The following PHACTR3 variants were observed in gnomAD, a reference collection of about 807,000 sequenced individuals.
The protein encoded by PHACTR3 is phosphatase and actin regulator 3.
In PHACTR3, 16 loss-of-function variants were observed where a neutral mutation model predicts 66.8. The ratio of observed to expected loss-of-function variants is 0.24; its 90% CI spans 0.16 to 0.36. The LOEUF (loss-of-function observed/expected upper bound fraction) is 0.36. Ranked by LOEUF, PHACTR3 falls within the 10% of genes least tolerant of loss-of-function variation. PHACTR3 has a pLI of 1.00. For synonymous variants in PHACTR3, 323 were observed against 292.1 expected (o/e 1.11, Z -1.08); for missense variants, 647 against 719.9 (o/e 0.90, Z 1.16).
At chr20:59,726,655 T>C (rs1022825536) in intron 1 of PHACTR3, among the ~76,000 whole-genome samples, 1 of 152,200 alleles carries the variant, frequency 6.6e-6, no homozygotes, top group Non-Finnish European at 1.5e-5. Flanking sequence ...ATTTACCATT[T>C]CAACCCTTTT....
At chr20:59,640,341 A>C (rs1398143838) in intron 1 of PHACTR3, among the ~76,000 whole-genome samples, 1 of 152,224 alleles carries the variant, frequency 6.6e-6, no homozygotes, top group African/African-American at 2.4e-5. Context: ...GAAGGGTTGG[A>C]GGACAAGGTG....
exon 1 of PHACTR3, chr20:59,577,553 G>A (rs2032747306): frequency 1.7e-6 from 2 of 1,191,598 alleles, no homozygotes; most frequent in Non-Finnish European, 2.1e-6. Flanking sequence ...CTGCGCCCCT[G>A]CGCTCGCTGC....
intron 1 of PHACTR3, among the ~76,000 whole-genome samples, chr20:59,607,939 G>A (rs1344337131): frequency 2.0e-5 from 3 of 152,210 alleles, no homozygotes; most frequent in African/African-American, 4.8e-5. Context: ...GTACTCACCT[G>A]AGAATTTCCT....
chr20:59,620,427 C>T (rs4812117), intron 1 of PHACTR3, among the ~76,000 whole-genome samples: 6,293 of 152,280 alleles, frequency 0.041, 148 homozygotes, highest in Middle Eastern at 0.075. Flanking sequence ...CCACGTGGCA[C>T]GCGGCCAGCA....
intron 1 of PHACTR3, among the ~76,000 whole-genome samples, chr20:59,688,929 G>A (rs751932300): frequency 2.0e-5 from 3 of 152,118 alleles, no homozygotes; most frequent in Non-Finnish European, 4.4e-5. Context: ...TGGTTGTTGG[G>A]AACGCTAATT....
chr20:59,622,158 T>G (rs1375361831), intron 1 of PHACTR3, among the ~76,000 whole-genome samples: 3 of 152,030 alleles, frequency 2.0e-5, no homozygotes, highest in Admixed American at 1.3e-4. Flanking sequence ...TTTTTTTTTT[T>G]TGTGACATAA....
At chr20:59,581,327 C>G (rs1180856174) in intron 1 of PHACTR3, among the ~76,000 whole-genome samples, 1 of 152,254 alleles carries the variant, frequency 6.6e-6, no homozygotes, top group Non-Finnish European at 1.5e-5. Flanking sequence ...CCTGGCTACA[C>G]ATCTTCGTTT....
intron 1 of PHACTR3, among the ~76,000 whole-genome samples, chr20:59,691,338 ATG>A (rs1484897335): frequency 6.6e-6 from 1 of 152,238 alleles, no homozygotes; most frequent in Non-Finnish European, 1.5e-5. Context: ...TTGATATAAA[ATG>A]TGAGGGACAG....
At chr20:59,726,162 T>G (rs1276721688) in intron 1 of PHACTR3, among the ~76,000 whole-genome samples, 1 of 152,196 alleles carries the variant, frequency 6.6e-6, no homozygotes, top group African/African-American at 2.4e-5. Flanking sequence ...ATTTTTAATT[T>G]AGGGTAATTT....
At chr20:59,704,212 G>A (rs1355930797) in intron 1 of PHACTR3, among the ~76,000 whole-genome samples, 2 of 152,090 alleles carry the variant, frequency 1.3e-5, no homozygotes, top group African/African-American at 2.4e-5. Flanking sequence ...GGCTTTAAGG[G>A]TTCTCTTGTA....
upstream of PHACTR3, among the ~76,000 whole-genome samples, chr20:59,600,426 G>T (rs1442398764): frequency 6.6e-6 from 1 of 152,178 alleles, no homozygotes; most frequent in Non-Finnish European, 1.5e-5. Flanking sequence ...AGGAAATATT[G>T]GATGGTTGGA....
At chr20:59,701,057 G>T (rs1315245041) in intron 1 of PHACTR3, among the ~76,000 whole-genome samples, 1 of 152,180 alleles carries the variant, frequency 6.6e-6, no homozygotes, top group Non-Finnish European at 1.5e-5. Flanking sequence ...CTCCCAAAAT[G>T]CTGTAATTAC....
intron 7 of PHACTR3, among the ~76,000 whole-genome samples, chr20:59,789,272 A>G (rs1199209504): frequency 6.6e-6 from 1 of 151,972 alleles, no homozygotes; most frequent in Non-Finnish European, 1.5e-5. Context: ...TGGGCTACTG[A>G]AACAGCTGGA....
At chr20:59,818,568 A>T (rs1315691660) in intron 8 of PHACTR3, among the ~76,000 whole-genome samples, 1 of 152,194 alleles carries the variant, frequency 6.6e-6, no homozygotes, top group Non-Finnish European at 1.5e-5. Flanking sequence ...CCTCACTCCA[A>T]AAAGAAGCCT....
chr20:59,760,086 A>G (rs1032888288), intron 4 of PHACTR3, among the ~76,000 whole-genome samples: 2 of 152,226 alleles, frequency 1.3e-5, no homozygotes, highest in East Asian at 3.9e-4. Context: ...AGGGGTCATC[A>G]AAAAGCACAA....
intron 8 of PHACTR3, among the ~76,000 whole-genome samples, chr20:59,809,567 C>T (rs1182698456): frequency 1.3e-5 from 2 of 152,102 alleles, no homozygotes; most frequent in Non-Finnish European, 2.9e-5. Flanking sequence ...TAATCCTTCC[C>T]CATTTTGAGT....
chr20:59,658,588 A>G (rs2035702488), intron 1 of PHACTR3, among the ~76,000 whole-genome samples: 1 of 152,104 alleles, frequency 6.6e-6, no homozygotes, highest in African/African-American at 2.4e-5. Flanking sequence ...AGTCACCTTG[A>G]GATGATAGTA....
At chr20:59,715,149 T>C (rs998809455) in intron 1 of PHACTR3, among the ~76,000 whole-genome samples, 1 of 152,222 alleles carries the variant, frequency 6.6e-6, no homozygotes, top group Non-Finnish European at 1.5e-5. Context: ...TTCCTTGTTG[T>C]TCTGGTTAAA....
At chr20:59,667,383 T>A (rs960900872) in intron 1 of PHACTR3, among the ~76,000 whole-genome samples, 2 of 152,232 alleles carry the variant, frequency 1.3e-5, no homozygotes, top group African/African-American at 4.8e-5. Flanking sequence ...TCCAGTGTAC[T>A]CTGCCTCCCA....
Sources: gnomAD v4.1 joint callset for allele counts (sites outside exome capture counted in the v4.1 genomes callset) on GRCh38, gnomAD v4.1.1 for gene constraint, MANE v1.5 for transcripts, NCBI Gene and HGNC (gene_info 2026-07-23, HGNC 2026-07-21) for gene names.